The following FGF14 variants were observed in gnomAD, a reference collection of about 807,000 sequenced individuals.
FGF14 encodes the protein fibroblast growth factor homologous factor 4.
A neutral mutation model predicts 25.5 loss-of-function variants in FGF14; 5 were observed. The observed-to-expected ratio is 0.20, with a 90% CI of 0.10 to 0.41. The LOEUF (loss-of-function observed/expected upper bound fraction) is 0.41, where lower values mean the gene tolerates loss of function less well. Among genes scored for constraint, FGF14 ranks in the 10% least tolerant of loss-of-function variants. The pLI is 1.00. For synonymous variants in FGF14, 138 were observed against 118.3 expected (o/e 1.17, Z -1.08); for missense variants, 222 against 320.1 (o/e 0.69, Z 2.34).
At chr13:102,217,575 T>C (rs968478006) in intron 1 of FGF14, among the ~76,000 whole-genome samples, 2 of 152,300 alleles carry the variant, frequency 1.3e-5, no homozygotes, top group Admixed American at 6.5e-5. Context: ...TAATTATTAA[T>C]GGGGATCAAA....
intron 1 of FGF14, among the ~76,000 whole-genome samples, chr13:102,295,501 C>A (rs1195593292): frequency 6.6e-6 from 1 of 152,078 alleles, no homozygotes; most frequent in Non-Finnish European, 1.5e-5. Flanking sequence ...GTTTGTGATA[C>A]CTTTGCACAA....
rs1244091902 is a variant in FGF14 at position 101,715,417 on chromosome 13, T to TGTAA, written c.*7410_*7413dup. 1 of 669,606 alleles carries TGTAA rather than the reference T, an allele frequency of 1.5e-6. No individual in the cohort carries two copies. The highest frequency in any genetic ancestry group is 2.7e-6 in the Non-Finnish European group (1 of 372,136). The allele number at this position is 669,606 out of a possible 1,614,324, so 41.5% of individuals were successfully genotyped here. A position where few individuals can be genotyped will look rare whatever the true frequency, so the allele number is the denominator to read the frequency against. ...GATGTCTCGCAGCTGCTTAATAAGA[T>TGTAA]GTAATAATAACATCATTGCACAATA... On this transcript the variant is annotated 3_prime_UTR_variant, in exon 5 of 5. Coordinates refer to ENST00000376143, the MANE Select transcript of FGF14 (RefSeq NM_004115.4).
At chr13:101,788,481 T>TA (rs2140071916) in intron 3 of FGF14, among the ~76,000 whole-genome samples, 1 of 152,242 alleles carries the variant, frequency 6.6e-6, no homozygotes, top group Admixed American at 6.5e-5. Flanking sequence ...TCTGCTAGTA[T>TA]AATAAAAAGA....
intron 1 of FGF14, among the ~76,000 whole-genome samples, chr13:102,355,364 T>C (rs1451086918): frequency 6.6e-6 from 1 of 152,006 alleles, no homozygotes; most frequent in Non-Finnish European, 1.5e-5. Flanking sequence ...CCTCCATCTA[T>C]AGTTGGTTGG....
At chr13:102,207,625 A>T (rs1486443720) in intron 1 of FGF14, among the ~76,000 whole-genome samples, 2 of 32,602 alleles carry the variant, frequency 6.1e-5, no homozygotes, top group Non-Finnish European at 1.2e-4. Context: ...AGTTTTCATT[A>T]AAAAAAAAAA....
chr13:102,266,624 G>A (rs1054354280), intron 1 of FGF14, among the ~76,000 whole-genome samples: 3 of 151,978 alleles, frequency 2.0e-5, no homozygotes, highest in African/African-American at 7.2e-5. Flanking sequence ...AAGAAAACAT[G>A]CAACATGGAC....
chr13:102,110,237 T>C (rs1321865124), intron 1 of FGF14, among the ~76,000 whole-genome samples: 1 of 152,218 alleles, frequency 6.6e-6, no homozygotes, highest in East Asian at 1.9e-4. Flanking sequence ...ATGTTTCTGG[T>C]AGAAAGCAGT....
intron 3 of FGF14, among the ~76,000 whole-genome samples, chr13:101,822,940 A>AT (rs932620955): frequency 4.0e-5 from 6 of 151,678 alleles, no homozygotes; most frequent in South Asian, 2.1e-4. Context: ...CCCACATTAG[A>AT]TTTTTTTTTA....
At chr13:102,000,641 C>A (rs2039441895) in intron 1 of FGF14, among the ~76,000 whole-genome samples, 1 of 152,154 alleles carries the variant, frequency 6.6e-6, no homozygotes, top group Non-Finnish European at 1.5e-5. Context: ...CTGGCTTTAT[C>A]TAGTCCATAC....
At chr13:101,782,156 CTA>C (rs1262482561) in intron 3 of FGF14, among the ~76,000 whole-genome samples, 1 of 152,178 alleles carries the variant, frequency 6.6e-6, no homozygotes, top group Non-Finnish European at 1.5e-5. Context: ...CAGTATTACT[CTA>C]TGTCCCCAAC....
intron 1 of FGF14, among the ~76,000 whole-genome samples, chr13:102,010,173 T>G (rs1349720535): frequency 6.6e-6 from 1 of 152,222 alleles, no homozygotes; most frequent in African/African-American, 2.4e-5. Context: ...GGAAATGGCA[T>G]AACTCCTCAC....
chr13:101,937,650 A>T (rs555049831), intron 1 of FGF14, among the ~76,000 whole-genome samples: 2 of 152,278 alleles, frequency 1.3e-5, no homozygotes, highest in East Asian at 3.9e-4. Flanking sequence ...GCTGAAGTGC[A>T]GTGATGTGAT....
chr13:102,176,495 C>T (rs1022476632), intron 1 of FGF14, among the ~76,000 whole-genome samples: 16 of 151,994 alleles, frequency 1.1e-4, no homozygotes, highest in African/African-American at 3.1e-4. Flanking sequence ...GTGGTAGGTT[C>T]GCTAGAAGCA....
At chr13:102,019,761 C>T (rs1173048342) in intron 1 of FGF14, among the ~76,000 whole-genome samples, 2 of 152,114 alleles carry the variant, frequency 1.3e-5, no homozygotes, top group Non-Finnish European at 2.9e-5. Flanking sequence ...TGTTCCATTG[C>T]TTGTTTATGC....
chr13:102,004,607 G>A (rs777131971), intron 1 of FGF14, among the ~76,000 whole-genome samples: 1 of 152,168 alleles, frequency 6.6e-6, no homozygotes, highest in Admixed American at 6.5e-5. Flanking sequence ...CTGGATGTGA[G>A]GTTATCTTAT....
At chr13:102,025,346 C>T (rs564067642) in intron 1 of FGF14, among the ~76,000 whole-genome samples, 1 of 152,054 alleles carries the variant, frequency 6.6e-6, no homozygotes, top group South Asian at 2.1e-4. Context: ...CATGGGATGT[C>T]TTTCTATTTA....
chr13:102,240,463 A>C lies in FGF14; in HGVS notation c.208+161008T>G, dbSNP rs546316962. ...AAATAAACATTTCCCGGCAAATTCA[A>C]GAGCTGATATTTGCATCTTTCAAAA... On this transcript the variant is annotated intron_variant, in intron 1 of 4. Coordinates refer to the FGF14 transcript ENST00000376131. Among the ~76,000 whole-genome samples the C allele has an allele frequency of 8.5e-5, 13 of 152,318 alleles. No individual in the cohort carries two copies. In the East Asian group the frequency reaches 2.3e-3, roughly 27 times the overall value.
At chr13:101,905,250 C>T (rs958053447) in intron 1 of FGF14, among the ~76,000 whole-genome samples, 1 of 152,162 alleles carries the variant, frequency 6.6e-6, no homozygotes, top group Non-Finnish European at 1.5e-5. Flanking sequence ...GACACACGCA[C>T]ATGTATGTTT....
chr13:102,089,758 G>A (rs146436531), intron 1 of FGF14, among the ~76,000 whole-genome samples: 176 of 152,254 alleles, frequency 1.2e-3, no homozygotes, highest in African/African-American at 4.1e-3. Flanking sequence ...AAAGAATCAT[G>A]GTTTTGATGT....
Sources: allele counts gnomAD v4.1 joint callset (sites outside exome capture counted in the v4.1 genomes callset), GRCh38; gene constraint gnomAD v4.1.1; transcripts MANE v1.5; gene names NCBI Gene and HGNC (gene_info 2026-07-23, HGNC 2026-07-21).